The following CUEDC1 variants were observed in gnomAD, a reference collection of about 807,000 sequenced individuals.
CUEDC1 encodes CUE domain containing 1, also known as CUE domain-containing protein 1.
A neutral mutation model predicts 43.7 loss-of-function variants in CUEDC1; 30 were observed. The observed-to-expected ratio is 0.69, with a 90% CI of 0.51 to 0.93. The LOEUF is 0.93. Among genes scored for constraint, CUEDC1 ranks in the 40% least tolerant of loss-of-function variants. CUEDC1 has a pLI of 0.00. For synonymous variants in CUEDC1, 223 were observed against 223.6 expected, an observed-to-expected ratio of 1.00 and a Z score of 0.02; for missense variants, 486 against 549.0, an observed-to-expected ratio of 0.89 and a Z score of 1.15.
intron 3 of CUEDC1, among the ~76,000 whole-genome samples, chr17:57,878,949 G>T (rs1488922015): frequency 6.6e-6 from 1 of 152,156 alleles, no homozygotes; most frequent in Non-Finnish European, 1.5e-5. Flanking sequence ...TTACAGATGT[G>T]AGCCACTGTG....
chr17:57,932,070 G>A (rs1342298150), intron 1 of CUEDC1, among the ~76,000 whole-genome samples: 3 of 151,478 alleles, frequency 2.0e-5, no homozygotes, highest in East Asian at 1.9e-4. Flanking sequence ...TTAGGAGTTC[G>A]AAACCAGCCT....
At chr17:57,926,378 C>T (rs949663955) in intron 1 of CUEDC1, among the ~76,000 whole-genome samples, 1 of 152,064 alleles carries the variant, frequency 6.6e-6, no homozygotes, top group South Asian at 2.1e-4. Flanking sequence ...TCAGACTAGC[C>T]GGATCTTGTC....
chr17:57,926,978 C>G (rs1425938244), intron 1 of CUEDC1, among the ~76,000 whole-genome samples: 1 of 152,080 alleles, frequency 6.6e-6, no homozygotes, highest in Non-Finnish European at 1.5e-5. Context: ...AGGTTGGAAC[C>G]CAGCATCTCT....
At chr17:57,915,917 C>A (rs1012730148) in intron 1 of CUEDC1, among the ~76,000 whole-genome samples, 1 of 152,230 alleles carries the variant, frequency 6.6e-6, no homozygotes, top group African/African-American at 2.4e-5. Flanking sequence ...CCAGGCAACT[C>A]ACCCGTTTGA....
intron 1 of CUEDC1, among the ~76,000 whole-genome samples, chr17:57,929,301 C>A (rs530228161): frequency 6.6e-6 from 1 of 152,212 alleles, no homozygotes; most frequent in Admixed American, 6.5e-5. Context: ...CAAAATTAAG[C>A]CCCAGAGAGG....
intron 1 of CUEDC1, among the ~76,000 whole-genome samples, chr17:57,932,453 G>A (rs2074815593): frequency 6.6e-6 from 1 of 151,160 alleles, no homozygotes; most frequent in Admixed American, 6.6e-5. Flanking sequence ...GGGCATGGCA[G>A]CGGGTGCTGT....
At chr17:57,922,112 C>CA (rs2074703994) in intron 1 of CUEDC1, among the ~76,000 whole-genome samples, 1 of 151,684 alleles carries the variant, frequency 6.6e-6, no homozygotes, top group Middle Eastern at 3.4e-3. Flanking sequence ...GACTCTGTCT[C>CA]AAAAAAACAA....
At position 57,872,938 on chromosome 17, in the gene CUEDC1, A is replaced by G. The variant is rs1004989705; in HGVS notation, c.592-83T>C. Reference sequence around the variant, plus strand: ...CGTCCACATCCCTCTGGTTGCACACATGCCCTGTCCAACATCCTCCAGCCC... The same window carrying G: ...CGTCCACATCCCTCTGGTTGCACACGTGCCCTGTCCAACATCCTCCAGCCC... On this transcript the variant is annotated intron_variant, in intron 4 of 10. Transcript: ENST00000577830. The G allele has an allele frequency of 3.8e-6, 5 of 1,319,848 alleles. No homozygotes were observed. In the South Asian group the frequency reaches 5.5e-5, roughly 14 times the overall value. 81.8% of individuals were successfully genotyped at this position (1,319,848 alleles called of 1,614,324 possible).
At chr17:57,933,367 A>G (rs1020202422) in intron 1 of CUEDC1, among the ~76,000 whole-genome samples, 2 of 152,186 alleles carry the variant, frequency 1.3e-5, no homozygotes, top group Admixed American at 1.3e-4. Context: ...AGCAGGAACC[A>G]TATCTTCTTT....
intron 1 of CUEDC1, among the ~76,000 whole-genome samples, chr17:57,907,536 C>T (rs2074541381): frequency 6.6e-6 from 1 of 152,012 alleles, no homozygotes; most frequent in Admixed American, 6.6e-5. Context: ...TCAGTACCCC[C>T]ACAAATCTTG....
rs1293606269 is a variant in CUEDC1 at position 57,954,786 on chromosome 17, C to T, written c.-316+439G>A. ...GCCTGCCGTCGCCGCCCAGCCTGCG[C>T]CCCCAGGCCCGGGCACTGCGGGGAG... On this transcript the variant is annotated intron_variant, in intron 1 of 10. Transcript: ENST00000577830. This position sits in a 1 kb window ranked among gnomAD's most constrained non-coding sequence, Gnocchi z 4.3. Among the ~76,000 whole-genome samples, 1 of 152,108 alleles carries T rather than the reference C, an allele frequency of 6.6e-6. No individual in the cohort carries two copies. The highest frequency in any genetic ancestry group is 1.5e-5 in the Non-Finnish European group (1 of 67,988).
chr17:57,886,066 A>G (rs181048845), intron 1 of CUEDC1, among the ~76,000 whole-genome samples, 187 bp from the exon 2 acceptor site: 5 of 152,216 alleles, frequency 3.3e-5, no homozygotes, highest in Admixed American at 6.5e-5. Flanking sequence ...TTACTAGCAC[A>G]GGACAGCCAC....
At chr17:57,886,876 C>T (rs1338140976) in intron 1 of CUEDC1, among the ~76,000 whole-genome samples, 1 of 143,782 alleles carries the variant, frequency 7.0e-6, no homozygotes, top group East Asian at 2.0e-4. Context: ...TGGAGTGCAG[C>T]GGCACGATCT....
chr17:57,877,011 G>T (rs1456880314), intron 3 of CUEDC1, among the ~76,000 whole-genome samples: 1 of 152,232 alleles, frequency 6.6e-6, no homozygotes, highest in Non-Finnish European at 1.5e-5. Context: ...TTGCAAAGGT[G>T]CCTGAAGAAT....
chr17:57,939,630 C>T (rs186718807), intron 1 of CUEDC1, among the ~76,000 whole-genome samples: 33 of 152,220 alleles, frequency 2.2e-4, no homozygotes, highest in East Asian at 1.9e-4. Flanking sequence ...CTGTGAGGAC[C>T]GCCTCTACTC....
At chr17:57,918,766 A>C (rs2074669834) in intron 1 of CUEDC1, among the ~76,000 whole-genome samples, 1 of 152,256 alleles carries the variant, frequency 6.6e-6, no homozygotes, top group South Asian at 2.1e-4. Context: ...GACAAAAATA[A>C]ATTTGAAGCA....
chr17:57,906,682 T>C (rs1281164916), intron 1 of CUEDC1, among the ~76,000 whole-genome samples: 1 of 152,118 alleles, frequency 6.6e-6, no homozygotes, highest in Non-Finnish European at 1.5e-5. Context: ...GAAGACACCA[T>C]GAGTCAGGCC....
chr17:57,917,916 T>C (rs1217742451), intron 1 of CUEDC1, among the ~76,000 whole-genome samples: 1 of 152,206 alleles, frequency 6.6e-6, no homozygotes, highest in East Asian at 1.9e-4. Context: ...CAGCTGGCTT[T>C]TTTGGTGGGG....
chr17:57,938,617 C>G (rs899962653), intron 1 of CUEDC1, among the ~76,000 whole-genome samples: 2 of 152,146 alleles, frequency 1.3e-5, no homozygotes, highest in Non-Finnish European at 2.9e-5. Context: ...TAAACATGGA[C>G]AACAGCTTTT....
Sources: gnomAD v4.1 joint callset for allele counts (sites outside exome capture counted in the v4.1 genomes callset) on GRCh38, gnomAD v4.1.1 for gene constraint, Gnocchi (gnomAD v3.1) non-coding constraint, MANE v1.5 for transcripts, NCBI Gene and HGNC (gene_info 2026-07-23, HGNC 2026-07-21) for gene names.